Variants in SELENOI observed in about 807,000 individuals in gnomAD.
SELENOI encodes selenoprotein I.
In SELENOI, 24 loss-of-function variants were observed where a neutral mutation model predicts 50.7. The observed-to-expected ratio is 0.47, with a 90% CI of 0.34 to 0.67. The LOEUF (loss-of-function observed/expected upper bound fraction) is 0.67, where lower values mean the gene tolerates loss of function less well. SELENOI is among the 30% of genes least tolerant of loss of function. SELENOI has a pLI of 0.01. For synonymous variants in SELENOI, 155 were observed against 170.2 expected (o/e 0.91, Z 0.70); for missense variants, 352 against 461.4 (o/e 0.76, Z 2.17).
chr2:26,351,504 T>A (rs550580195), intron 1 of SELENOI, among the ~76,000 whole-genome samples: 56 of 152,336 alleles, frequency 3.7e-4, no homozygotes, highest in African/African-American at 1.3e-3. Flanking sequence ...GAAACTGTCA[T>A]AAATCAGACT....
intron 9 of SELENOI, among the ~76,000 whole-genome samples, chr2:26,387,210 C>T (rs887804015): frequency 2.0e-5 from 3 of 152,056 alleles, no homozygotes; most frequent in African/African-American, 4.8e-5. Flanking sequence ...GGAGAATGGA[C>T]GAATATAGAT....
chr2:26,363,538 A>G (rs1177826722), intron 1 of SELENOI, among the ~76,000 whole-genome samples: 1 of 152,164 alleles, frequency 6.6e-6, no homozygotes, highest in African/African-American at 2.4e-5. Flanking sequence ...GCTGATTGAG[A>G]GTGAAGGATG....
intron 1 of SELENOI, among the ~76,000 whole-genome samples, chr2:26,359,050 T>G (rs1048454981): frequency 1.3e-5 from 2 of 152,182 alleles, no homozygotes; most frequent in Non-Finnish European, 2.9e-5. Context: ...GTCTGCCTGT[T>G]TTAGTGAATA....
At position 26,364,321 on chromosome 2, in the gene SELENOI, A is replaced by T; in HGVS notation, c.77A>T (p.Asn26Ile). 6.4e-7 allele frequency: 1 copy of T among 1,559,500 alleles called. No individual in the cohort carries two copies. Among genetic ancestry groups the T allele is most frequent in the Non-Finnish European group, 8.7e-7 (1 of 1,149,064 alleles). Residue 26 changes from asparagine (N) to isoleucine (I), a missense_variant, in exon 2 of 10, where the codon AAT becomes ATT. Coordinates refer to ENST00000260585, the MANE Select transcript of SELENOI (RefSeq NM_033505.4). ...TAACAGTACAGTGCTGTGGATACCA[A>T]TCCACTTTCTCTGTATGTCATGCAT... ...DKYKYSAVDTNPLSLYVMHPF... is the reference protein window; with the variant it reads ...DKYKYSAVDTIPLSLYVMHPF...
rs1198441240 is a variant in SELENOI at position 26,390,166 on chromosome 2, T to C, written c.*1063T>C. ...CTTTTGATATATATGCCTTACTGAG[T>C]ACATGCCCCCTTTAATGTTAACATG... On this transcript the variant is annotated 3_prime_UTR_variant, in exon 10 of 10. Coordinates refer to ENST00000260585, the MANE Select transcript of SELENOI (RefSeq NM_033505.4). 1 of 151,068 alleles carries C rather than the reference T, an allele frequency of 6.6e-6. No homozygotes were observed. Among genetic ancestry groups the C allele is most frequent in the African/African-American group, 2.5e-5 (1 of 40,776 alleles). The allele number at this position is 151,068 out of a possible 1,614,324, so 9.4% of individuals were successfully genotyped here.
Position 26,349,045 on chromosome 2 carries a change from T to G in SELENOI, c.57+2756T>G, listed in dbSNP as rs1424145576. Among the ~76,000 whole-genome samples, 8 of 144,726 alleles carry G rather than the reference T, an allele frequency of 5.5e-5. No homozygotes were observed. The East Asian group carries it at 1.6e-3, about 29-fold the overall frequency. 94.9% of individuals were successfully genotyped at this position (144,726 alleles called of 152,430 possible). A position where few individuals can be genotyped will look rare whatever the true frequency, so the allele number is the denominator to read the frequency against. ...TTTTTTTTTTTTGGAGATGGAGGTTTGCTCTTGTTGCCCAGGCTGGAGTGC... is the reference window on the plus strand; with the variant it reads ...TTTTTTTTTTTTGGAGATGGAGGTTGGCTCTTGTTGCCCAGGCTGGAGTGC... On this transcript the variant is annotated intron_variant, in intron 1 of 9. Coordinates refer to ENST00000260585, the MANE Select transcript of SELENOI (RefSeq NM_033505.4).
chr2:26,388,472 C>CAAGTTA (rs1677894802), intron 9 of SELENOI, among the ~76,000 whole-genome samples: 2 of 152,224 alleles, frequency 1.3e-5, no homozygotes, highest in South Asian at 4.1e-4. Flanking sequence ...CTTGCTAGGC[C>CAAGTTA]ACACAAAACA....
rs961673201 is a variant in SELENOI, at chr2:26,349,467, C to T, written c.57+3178C>T. Among the ~76,000 whole-genome samples, 16 of 151,904 alleles carry T rather than the reference C, an allele frequency of 1.1e-4. 1 individual carries two copies. Among genetic ancestry groups the T allele is most frequent in the South Asian group, 6.2e-4 (3 of 4,822 alleles). On this transcript the variant is annotated intron_variant, in intron 1 of 9. Coordinates refer to ENST00000260585, the MANE Select transcript of SELENOI (RefSeq NM_033505.4). Reference sequence around the variant, plus strand: ...GATTACAGGCGCCTGCCACCATGCCCGGCTAATTTTTGTATTTTTCTTTGA... The same window carrying T: ...GATTACAGGCGCCTGCCACCATGCCTGGCTAATTTTTGTATTTTTCTTTGA...
intron 5 of SELENOI, among the ~76,000 whole-genome samples, chr2:26,374,238 A>G (rs1677519794): frequency 6.6e-6 from 1 of 152,246 alleles, no homozygotes; most frequent in South Asian, 2.1e-4. Context: ...AGATATGCAC[A>G]TATAATTGAA....
At chr2:26,348,996 C>A (rs979190622) in intron 1 of SELENOI, among the ~76,000 whole-genome samples, 1 of 57,690 alleles carries the variant, frequency 1.7e-5, no homozygotes, top group African/African-American at 4.8e-5. Context: ...TTTGGACAGG[C>A]TTTTTTTTTT....
At chr2:26,371,008 C>T (rs1156929542) in intron 4 of SELENOI, among the ~76,000 whole-genome samples, 1 of 130,340 alleles carries the variant, frequency 7.7e-6, no homozygotes, top group African/African-American at 2.8e-5. Flanking sequence ...CCGGACAGGG[C>T]GGCTGGCCAG....
rs1334060007 is a variant in SELENOI, at chr2:26,388,991, C to G, written c.1096-14C>G. 1 of 1,560,396 alleles carries G rather than the reference C, an allele frequency of 6.4e-7. No homozygotes were observed. The highest frequency in any genetic ancestry group is 8.7e-7 in the Non-Finnish European group (1 of 1,147,082). On this transcript the variant is annotated splice_polypyrimidine_tract_variant and intron_variant, in intron 9 of 9. Coordinates refer to ENST00000260585, the MANE Select transcript of SELENOI (RefSeq NM_033505.4). ...TACATATTTGTCACTGTCTCATGTT[C>G]TGATTTTTCATAGGTAAAGCAGCTG... is the stretch of plus-strand genomic sequence containing the variant.
intron 2 of SELENOI, 143 bp from the exon 3 acceptor site, chr2:26,364,689 C>T (rs1677250419): frequency 5.0e-6 from 3 of 595,590 alleles, no homozygotes; most frequent in African/African-American, 3.8e-5. Context: ...TGGAGATTAT[C>T]GTTTACGTGT....
In SELENOI at chr2:26,391,024, C is replaced by T. The variant is rs1677953386; in HGVS notation, c.*1921C>T. On this transcript the variant is annotated 3_prime_UTR_variant, in exon 10 of 10. Coordinates refer to ENST00000260585, the MANE Select transcript of SELENOI (RefSeq NM_033505.4). ...TTTATAAAATGACAAACTTGGACCA[C>T]AGGCTTTCTTGACCTTGTACAGTAT... 6.6e-6 allele frequency: 1 copy of T among 152,208 alleles called. No individual in the cohort carries two copies. Among genetic ancestry groups the T allele is most frequent in the Non-Finnish European group, 1.5e-5 (1 of 68,030 alleles). The allele number at this position is 152,208 out of a possible 1,614,324, so 9.4% of individuals were successfully genotyped here. A position where few individuals can be genotyped will look rare whatever the true frequency, so the allele number is the denominator to read the frequency against.
intron 1 of SELENOI, among the ~76,000 whole-genome samples, chr2:26,361,086 C>A (rs7355623): frequency 6.6e-6 from 1 of 152,022 alleles, no homozygotes; most frequent in African/African-American, 2.4e-5. Flanking sequence ...TGGTGGTGGG[C>A]GCCTATAGTC....
intron 7 of SELENOI, 134 bp downstream of exon 7, chr2:26,383,481 A>G: frequency 1.6e-6 from 1 of 613,654 alleles, no homozygotes; most frequent in Non-Finnish European, 2.8e-6. Context: ...TTAAATCTTT[A>G]ATGGGGTAGG....
In SELENOI at chr2:26,371,113, C is replaced by A. The variant is rs1184549256; in HGVS notation, c.311-2254C>A. 7.3e-3 allele frequency among the ~76,000 whole-genome samples: 1,070 copies of A among 145,690 alleles called. 14 individuals are homozygous for A. Among genetic ancestry groups the A allele is most frequent in the African/African-American group, 0.026 (1,017 of 39,104 alleles). On this transcript the variant is annotated intron_variant, in intron 4 of 9. Coordinates refer to ENST00000260585, the MANE Select transcript of SELENOI (RefSeq NM_033505.4). ...GCTGGCCGGGCCAGGGGCTGACCCC[C>A]CCACCTCCCTCCCGGACGGGGCGGC...
intron 5 of SELENOI, 108 bp from the exon 6 acceptor site, chr2:26,374,932 C>A: frequency 1.4e-6 from 1 of 710,972 alleles, no homozygotes; most frequent in Non-Finnish European, 2.4e-6. Context: ...ATACTTCTTG[C>A]CTTTACTAAA....
intron 1 of SELENOI, among the ~76,000 whole-genome samples, chr2:26,357,272 C>T (rs112916044): frequency 7.2e-5 from 11 of 152,306 alleles, no homozygotes; most frequent in South Asian, 6.2e-4. Flanking sequence ...CCACTCACTA[C>T]TGTGTCTCAT....
Sources: gnomAD v4.1 joint callset for allele counts (sites outside exome capture counted in the v4.1 genomes callset) on GRCh38, gnomAD v4.1.1 for gene constraint, MANE v1.5 for transcripts, NCBI Gene and HGNC (gene_info 2026-07-23, HGNC 2026-07-21) for gene names.